Variants in GRID1 observed in about 807,000 individuals in gnomAD.
The protein encoded by GRID1 is glutamate receptor ionotropic, delta-1.
A neutral mutation model predicts 98.0 loss-of-function variants in GRID1; 28 were observed. The ratio of observed to expected loss-of-function variants is 0.29; its 90% confidence interval spans 0.21 to 0.39. GRID1 has a LOEUF of 0.39. Among genes scored for constraint, GRID1 ranks in the 10% least tolerant of loss-of-function variants. The pLI is 1.00. For synonymous variants in GRID1, 553 were observed against 538.5 expected, an observed-to-expected ratio of 1.03 and a Z score of -0.37; for missense variants, 1,111 against 1,340.5, an observed-to-expected ratio of 0.83 and a Z score of 2.67.
chr10:85,959,336 C>T (rs1434177528), intron 4 of GRID1, among the ~76,000 whole-genome samples: 1 of 152,228 alleles, frequency 6.6e-6, no homozygotes, highest in Admixed American at 6.5e-5. Flanking sequence ...CTCTCTGTGA[C>T]CTGGCAAATA....
intron 4 of GRID1, among the ~76,000 whole-genome samples, chr10:86,045,917 A>T (rs941826028): frequency 6.6e-6 from 1 of 152,130 alleles, no homozygotes; most frequent in African/African-American, 2.4e-5. Flanking sequence ...TCTTGGGGAG[A>T]TCTCTGAGTG....
chr10:86,280,636 C>T (rs984460086), intron 2 of GRID1, among the ~76,000 whole-genome samples: 2 of 152,180 alleles, frequency 1.3e-5, no homozygotes, highest in African/African-American at 4.8e-5. Context: ...TCATGCCTTT[C>T]CCTATGGAAT....
At chr10:85,901,402 A>G (rs1012513345) in intron 5 of GRID1, among the ~76,000 whole-genome samples, 5 of 152,058 alleles carry the variant, frequency 3.3e-5, no homozygotes, top group Admixed American at 2.0e-4. Flanking sequence ...GCCCGCCACC[A>G]TGCCCGGCTA....
chr10:86,288,582 G>A (rs1847467857), intron 2 of GRID1, among the ~76,000 whole-genome samples: 1 of 152,186 alleles, frequency 6.6e-6, no homozygotes, highest in Non-Finnish European at 1.5e-5. Context: ...GAACAGCCGT[G>A]CTTGCCTCTC....
At chr10:86,238,976 G>A (rs1016822134) in intron 2 of GRID1, among the ~76,000 whole-genome samples, 5 of 152,152 alleles carry the variant, frequency 3.3e-5, no homozygotes, top group African/African-American at 1.2e-4. Context: ...TAGTGGAGCT[G>A]TAAGAAGAGG....
chr10:85,605,781 A>G (rs2132504775), intron 15 of GRID1: 1 of 152,320 alleles, frequency 6.6e-6, no homozygotes, highest in South Asian at 2.1e-4. Flanking sequence ...TTCCTGTCCA[A>G]GAAGAAAGCC....
intron 4 of GRID1, among the ~76,000 whole-genome samples, chr10:85,933,868 A>T (rs1196621103): frequency 6.6e-6 from 1 of 152,234 alleles, no homozygotes; most frequent in Non-Finnish European, 1.5e-5. Flanking sequence ...GATTTATAAT[A>T]GTCTGCTCAA....
intron 8 of GRID1, among the ~76,000 whole-genome samples, chr10:85,827,275 GA>G (rs763345000): frequency 1.6e-4 from 24 of 152,040 alleles, no homozygotes; most frequent in Non-Finnish European, 2.1e-4. Context: ...GCCATTTGAA[GA>G]AGAACCAAAT....
chr10:85,902,556 A>C (rs1841403468), intron 5 of GRID1, among the ~76,000 whole-genome samples: 1 of 152,170 alleles, frequency 6.6e-6, no homozygotes, highest in Non-Finnish European at 1.5e-5. Context: ...GTTATGAAAA[A>C]TTCAGATATT....
intron 12 of GRID1, among the ~76,000 whole-genome samples, chr10:85,677,855 G>A (rs560461526): frequency 3.9e-5 from 6 of 152,190 alleles, no homozygotes; most frequent in South Asian, 2.1e-4. Flanking sequence ...AGAGAGACAC[G>A]CTCCATTTTG....
chr10:86,186,455 T>C (rs1178635481), intron 3 of GRID1, among the ~76,000 whole-genome samples: 2 of 152,238 alleles, frequency 1.3e-5, no homozygotes, highest in East Asian at 3.8e-4. Flanking sequence ...TTTACTTATA[T>C]TGGATTTGAT....
chr10:85,608,957 A>G (rs1808430372), intron 15 of GRID1, among the ~76,000 whole-genome samples: 1 of 152,132 alleles, frequency 6.6e-6, no homozygotes, highest in African/African-American at 2.4e-5. Context: ...TGAGGTTCAG[A>G]TAATGTAAAT....
At chr10:85,616,172 C>T (rs557055082) in intron 14 of GRID1, among the ~76,000 whole-genome samples, 35 of 152,294 alleles carry the variant, frequency 2.3e-4, no homozygotes, top group Admixed American at 1.4e-3. Context: ...CTGACATGAG[C>T]GACCTTTTAT....
intron 3 of GRID1, among the ~76,000 whole-genome samples, chr10:86,165,477 A>G (rs1174068146): frequency 6.6e-6 from 1 of 152,156 alleles, no homozygotes; most frequent in African/African-American, 2.4e-5. Flanking sequence ...CCTCCTGGAG[A>G]CAGAGGGCTG....
chr10:85,923,794 T>G (rs1343319255), intron 4 of GRID1, among the ~76,000 whole-genome samples: 2 of 152,146 alleles, frequency 1.3e-5, no homozygotes, highest in Non-Finnish European at 1.5e-5. Context: ...AGGTGTTTGG[T>G]GCAAAAACAA....
intron 12 of GRID1, chr10:85,649,910 C>G (rs1045695497): frequency 6.6e-6 from 1 of 152,352 alleles, no homozygotes; most frequent in Non-Finnish European, 1.5e-5. Context: ...CATCCATCAC[C>G]TCTAATAGCC....
intron 4 of GRID1, among the ~76,000 whole-genome samples, chr10:86,101,555 C>T (rs1477108009): frequency 6.6e-6 from 1 of 152,010 alleles, no homozygotes; most frequent in Admixed American, 6.6e-5. Context: ...GCTTCTGTCA[C>T]TCAGCATATG....
chr10:86,154,016 C>A (rs1178852156), intron 3 of GRID1, among the ~76,000 whole-genome samples: 1 of 152,184 alleles, frequency 6.6e-6, no homozygotes, highest in East Asian at 1.9e-4. Flanking sequence ...ACGGTGGAGC[C>A]ATCCATCACA....
intron 3 of GRID1, among the ~76,000 whole-genome samples, chr10:86,164,797 A>G (rs1004079011): frequency 6.6e-6 from 1 of 152,150 alleles, no homozygotes; most frequent in Admixed American, 6.5e-5. Context: ...CCTCCAATGT[A>G]GTCGGCCCTA....
Sources: allele counts gnomAD v4.1 joint callset (sites outside exome capture counted in the v4.1 genomes callset), GRCh38; gene constraint gnomAD v4.1.1; transcripts MANE v1.5; gene names NCBI Gene and HGNC (gene_info 2026-07-23, HGNC 2026-07-21).